The following MMS19 variants were observed in gnomAD, a reference collection of about 807,000 sequenced individuals.
The protein encoded by MMS19 is MMS19 cytosolic iron-sulfur assembly component, also known as MMS19 nucleotide excision repair protein homolog.
MMS19 carries 77 observed loss-of-function variants against 129.8 expected under a neutral mutation model. The observed-to-expected ratio is 0.59, with a 90% confidence interval of 0.49 to 0.72. The LOEUF is 0.72. Ranked by LOEUF, MMS19 falls within the 30% of genes least tolerant of loss-of-function variation. The probability of loss-of-function intolerance (pLI) is 0.00; values close to 1 mark genes in which losing one functional copy is unlikely to be tolerated. For synonymous variants in MMS19, 491 were observed against 502.8 expected (o/e 0.98, Z 0.31); for missense variants, 1,168 against 1,266.3 (o/e 0.92, Z 1.18).
rs373557835 is a variant in MMS19 at position 97,477,356 on chromosome 10, G to C, written c.484C>G (p.Arg162Gly). The change falls in exon 6 of 31, where the codon CGG becomes GGG. Residue 162 changes from arginine (R) to glycine (G), a missense_variant. Transcript: ENST00000438925. ...AAGCTCTGTCTCTTACCTTCTTCCC[G>C]GGTTCGCATAAAATTGGTGATGATA... ...YNIITNFMRT[R>G]EEELKSLGAD... The C allele has an allele frequency of 5.6e-6, 9 of 1,613,884 alleles. No individual in the cohort carries two copies. The highest frequency in any genetic ancestry group is 6.8e-6 in the Non-Finnish European group (8 of 1,179,868).
intron 1 of MMS19, among the ~76,000 whole-genome samples, chr10:97,486,210 G>T: frequency 6.6e-6 from 1 of 152,198 alleles, no homozygotes; most frequent in Non-Finnish European, 1.5e-5. Flanking sequence ...CTGAGACAGG[G>T]TCTCTCTGTC....
At position 97,486,895 on chromosome 10, in the gene MMS19, A is replaced by ATATATATATATATATATAT. The variant is rs57015711; in HGVS notation, c.113-2745_113-2744insATATATATATATATATATA. On this transcript the variant is annotated intron_variant, in intron 1 of 30. Transcript: ENST00000438925. ...TATATATATATATATATATATATAT[A>ATATATATATATATATATAT]AAATTAAGACAGGCAAGTTGTGAAA... Among the ~76,000 whole-genome samples, 345 of 140,050 alleles carry ATATATATATATATATATAT rather than the reference A, an allele frequency of 2.5e-3. 1 individual carries two copies. The highest frequency in any genetic ancestry group is 3.5e-3 in the Non-Finnish European group (221 of 63,458). The allele number at this position is 140,050 out of a possible 152,430, so 91.9% of individuals were successfully genotyped here. A position where few individuals can be genotyped will look rare whatever the true frequency, so the allele number is the denominator to read the frequency against.
In MMS19 at chr10:97,498,280, C is replaced by T. The variant is rs2040180954; in HGVS notation, c.105G>A (p.Val35=). 2 of 1,565,864 alleles carry T rather than the reference C, an allele frequency of 1.3e-6. No homozygotes were observed. The highest frequency in any genetic ancestry group is 2.3e-5 in the East Asian group (1 of 42,738). The stretch of plus-strand genomic sequence containing the variant: ...CGGCGCCGTCTGCCGTACCTGCAGC[C>T]ACCTGGTCAGCGGGGCCCTCTTGCT... The part of the protein sequence containing the change: ...VGQQEGPADQ[V]AADVKSGNYT... Residue 35 remains valine, a synonymous_variant, in exon 1 of 31, where the codon GTG becomes GTA. Coordinates refer to ENST00000438925, the MANE Select transcript of MMS19 (RefSeq NM_022362.5).
chr10:97,484,331 T>C (rs929134553), intron 1 of MMS19, among the ~76,000 whole-genome samples, 180 bp from the exon 2 acceptor site: 15 of 152,114 alleles, frequency 9.9e-5, no homozygotes, highest in African/African-American at 3.1e-4. Context: ...ATATGCAGCT[T>C]TGTATAAAAA....
intron 11 of MMS19, 26 bp from the exon 12 acceptor site, chr10:97,469,130 C>T (rs2034160804): frequency 6.4e-7 from 1 of 1,555,662 alleles, no homozygotes; most frequent in Non-Finnish European, 8.7e-7. Context: ...CCCATGGCTA[C>T]TGAGGTGAGC....
At chr10:97,480,609 TC>T (rs2036612509) in intron 3 of MMS19, among the ~76,000 whole-genome samples, 1 of 151,974 alleles carries the variant, frequency 6.6e-6, no homozygotes, top group Non-Finnish European at 1.5e-5. Context: ...TGAGATGGAG[TC>T]CCGCTCTGTC....
In MMS19 at chr10:97,497,968, C is replaced by A. The variant is rs550317181; in HGVS notation, c.112+305G>T. ...GCCTGGGTCCGAGTCCCACCTCCCCCTCCTGCCTGGTCTGCAGCCCTGCGC... is the reference window on the plus strand; with the variant it reads ...GCCTGGGTCCGAGTCCCACCTCCCCATCCTGCCTGGTCTGCAGCCCTGCGC... On this transcript the variant is annotated intron_variant, in intron 1 of 30. Transcript: ENST00000438925. 3.9e-4 allele frequency among the ~76,000 whole-genome samples: 60 copies of A among 152,360 alleles called. 1 individual carries two copies. The highest frequency in any genetic ancestry group is 1.4e-3 in the African/African-American group (59 of 41,588).
rs769143289 is a variant in MMS19 at position 97,481,018 on chromosome 10, G to T, written c.186C>A (p.Pro62=). 6.2e-6 allele frequency: 10 copies of T among 1,606,980 alleles called. No homozygotes were observed. The highest frequency in any genetic ancestry group is 8.5e-6 in the Non-Finnish European group (10 of 1,175,984). Residue 62 remains proline, a synonymous_variant, in exon 3 of 31, where the codon CCC becomes CCA. Coordinates refer to ENST00000438925, the MANE Select transcript of MMS19 (RefSeq NM_022362.5). ...ALGSSLENPE[P]RTRARAIQLL... ...GCTGGATTGCTCGTGCCCGAGTTCGGGGTTCTGGATTCTCTAGAGAGGACC... is the reference window on the plus strand; with the variant it reads ...GCTGGATTGCTCGTGCCCGAGTTCGTGGTTCTGGATTCTCTAGAGAGGACC...
chr10:97,498,373 G>A lies in MMS19; in HGVS notation c.12C>T (p.Ala4=), dbSNP rs769678265. The A allele has an allele frequency of 3.2e-5, 50 of 1,578,176 alleles. No individual in the cohort carries two copies. The highest frequency in any genetic ancestry group is 4.2e-5 in the Non-Finnish European group (49 of 1,169,954). The change falls in exon 1 of 31, where the codon GCC becomes GCT. Residue 4 remains alanine, a synonymous_variant. Coordinates refer to ENST00000438925, the MANE Select transcript of MMS19 (RefSeq NM_022362.5). ...TAGGCGCCGCCGCCTCCACAGCCGC[G>A]GCAGCGGCCATAACGCGAACTAGAG... MAA[A]AAVEAAAPMG... is the part of the protein sequence containing the mutation.
upstream of MMS19, chr10:97,498,591 C>G (rs1178825247): frequency 3.3e-6 from 2 of 598,788 alleles, no homozygotes; most frequent in African/African-American, 3.9e-5. Flanking sequence ...GGCTGCTGGG[C>G]ACGCAGCCGG....
chr10:97,493,119 C>G (rs2039204292), intron 1 of MMS19, among the ~76,000 whole-genome samples: 1 of 151,962 alleles, frequency 6.6e-6, no homozygotes, highest in Admixed American at 6.6e-5. Flanking sequence ...TCAAGTGATT[C>G]TCCTACCTCA....
At position 97,469,006 on chromosome 10, in the gene MMS19, A is replaced by G. The variant is rs1435268282; in HGVS notation, c.1023T>C (p.Ala341=). Residue 341 remains alanine (A), a synonymous_variant, in exon 12 of 31, where the codon GCT becomes GCC. Coordinates refer to ENST00000438925, the MANE Select transcript of MMS19 (RefSeq NM_022362.5). ...CLSRSVLRAD[A]EDLLDSFLSN... ...TAAGGAAGGAGTCAAGGAGGTCCTC[A>G]GCATCAGCCCTCAGCACAGAGCGAG... The G allele has an allele frequency of 3.8e-6, 6 of 1,588,536 alleles. No individual in the cohort carries two copies. The highest frequency in any genetic ancestry group is 5.1e-6 in the Non-Finnish European group (6 of 1,167,178).
At chr10:97,491,359 C>A (rs538936258) in intron 1 of MMS19, among the ~76,000 whole-genome samples, 1 of 152,256 alleles carries the variant, frequency 6.6e-6, no homozygotes, top group Admixed American at 6.5e-5. Context: ...TCTATTTTTT[C>A]ATTTTTTTAA....
intron 12 of MMS19, among the ~76,000 whole-genome samples, chr10:97,468,644 G>A (rs1257166788): frequency 1.3e-5 from 2 of 151,708 alleles, no homozygotes; most frequent in African/African-American, 4.8e-5. Context: ...ATGGAGTTTT[G>A]CTCTCGTTGC....
At chr10:97,478,919 C>A (rs1026262874) in intron 3 of MMS19, among the ~76,000 whole-genome samples, 1 of 152,082 alleles carries the variant, frequency 6.6e-6, no homozygotes, top group Non-Finnish European at 1.5e-5. Flanking sequence ...CAAATACCCA[C>A]ACACATATAC....
chr10:97,481,982 C>G (rs1015122662), intron 2 of MMS19, among the ~76,000 whole-genome samples: 1 of 152,150 alleles, frequency 6.6e-6, no homozygotes, highest in Non-Finnish European at 1.5e-5. Flanking sequence ...CGTGACCAGC[C>G]TGGGCAACAT....
rs372156857 is a variant in MMS19, at chr10:97,460,406, AC to A, written c.2470-175del. ...GGCAACATGGCCAAACCCAGTTCTT[AC>A]AAAAAATACAAACATTAGTTGGGTG... On this transcript the variant is annotated intron_variant, in intron 25 of 30. Transcript: ENST00000438925. The A allele has an allele frequency of 2.1e-3, 1,378 of 641,246 alleles. 15 individuals carry two copies. In the African/African-American group the frequency reaches 0.022, roughly 10 times the overall value. 39.7% of individuals were successfully genotyped at this position (641,246 alleles called of 1,614,324 possible).
At chr10:97,477,145 G>T in intron 6 of MMS19, 182 bp from the exon 7 acceptor site, 1 of 1,477,150 alleles carries the variant, frequency 6.8e-7, no homozygotes, top group South Asian at 1.4e-5. Flanking sequence ...TGCTGTGGAG[G>T]CAAGAATTTA....
Position 97,463,163 on chromosome 10 carries a change from G to GTTT in MMS19, c.1913-484_1913-482dup, listed in dbSNP as rs11369236. Among the ~76,000 whole-genome samples, 49 of 129,210 alleles carry GTTT rather than the reference G, an allele frequency of 3.8e-4. 2 individuals are homozygous for GTTT. Among genetic ancestry groups the GTTT allele is most frequent in the South Asian group, 5.0e-4 (2 of 3,992 alleles). 84.8% of individuals were successfully genotyped at this position (129,210 alleles called of 152,430 possible). A position where few individuals can be genotyped will look rare whatever the true frequency, so the allele number is the denominator to read the frequency against. The stretch of plus-strand genomic sequence containing the variant: ...TCCTTACCAACTACCCTGTGAAACA[G>GTTT]TTTTTTTTTTTTTTTTTTTTGAGAC... On this transcript the variant is annotated intron_variant, in intron 19 of 30. Transcript: ENST00000438925.
Sources: gnomAD v4.1 joint callset for allele counts (sites outside exome capture counted in the v4.1 genomes callset) on GRCh38, gnomAD v4.1.1 for gene constraint, MANE v1.5 for transcripts, NCBI Gene and HGNC (gene_info 2026-07-23, HGNC 2026-07-21) for gene names.